The following TUBGCP6 variants were observed in gnomAD, a reference collection of about 807,000 sequenced individuals.
The protein encoded by TUBGCP6 is gamma-tubulin complex component 6.
A neutral mutation model predicts 175.8 loss-of-function variants in TUBGCP6; 161 were observed. The observed-to-expected ratio is 0.92, with a 90% CI of 0.81 to 1.04. The LOEUF (loss-of-function observed/expected upper bound fraction) is 1.04, where lower values mean the gene tolerates loss of function less well. Among genes scored for constraint, TUBGCP6 ranks in the 50% least tolerant of loss-of-function variants. TUBGCP6 has a pLI of 0.00. For missense variants in TUBGCP6, 2,572 were observed against 2,433.0 expected (o/e 1.06, Z -1.20); for synonymous variants, 1,173 against 1,030.5 (o/e 1.14, Z -2.65).
Position 50,240,188 on chromosome 22 carries a change from AAAG to A in TUBGCP6, c.905+13_905+15del, listed in dbSNP as rs2064822852. ...GGGTAGGGGCACTGCATGCCAAGGC[AAAG>A]AAGGGCACACACCAGCCAACTCGCT... On this transcript the variant is annotated intron_variant, in intron 2 of 24. Transcript: ENST00000248846. 6.2e-7 allele frequency: 1 copy of A among 1,613,114 alleles called. No individual in the cohort carries two copies.
rs1316153748 is a variant in TUBGCP6 at position 50,220,871 on chromosome 22, T to C, written c.3488A>G (p.His1163Arg). 1 of 1,609,248 alleles carries C rather than the reference T, an allele frequency of 6.2e-7. No homozygotes were observed. The highest frequency in any genetic ancestry group is 1.7e-5 in the Admixed American group (1 of 59,526). ...CAAGCTGATGCTGGCATCGGACACGTGTCCATGGGTGTTCCACCGTGGCCG... is the reference window on the plus strand; with the variant it reads ...CAAGCTGATGCTGGCATCGGACACGCGTCCATGGGTGTTCCACCGTGGCCG... ...PTRPRWNTHG[H>R]VSDASISLGE... Residue 1163 changes from histidine to arginine, a missense_variant, in exon 16 of 25, where the codon CAC becomes CGC. Physicochemically the swap from His to Arg is conservative, Grantham distance 29. Coordinates refer to ENST00000248846, the MANE Select transcript of TUBGCP6 (RefSeq NM_020461.4).
At position 50,243,871 on chromosome 22, in the gene TUBGCP6, A is replaced by C; in HGVS notation, c.589T>G (p.Ser197Ala). The change falls in exon 1 of 25, where the codon TCA becomes GCA. Residue 197 changes from serine (S) to alanine (A), a missense_variant. Transcript: ENST00000248846. ...GTGLPTVGLF[S>A]FGDPCGDRFE... The stretch of plus-strand genomic sequence containing the variant: ...CTGTCACCACAAGGGTCACCAAATG[A>C]GAAGAGCCCGACGGTGGGCAGGCCA... The C allele has an allele frequency of 6.2e-7, 1 of 1,613,774 alleles. No homozygotes were observed. The highest frequency in any genetic ancestry group is 1.3e-5 in the African/African-American group (1 of 75,000).
chr22:50,228,549 C>G (rs2147192771), intron 4 of TUBGCP6, among the ~76,000 whole-genome samples: 1 of 152,296 alleles, frequency 6.6e-6, no homozygotes, highest in Admixed American at 6.5e-5. Flanking sequence ...CTGGACCAAT[C>G]TCAGTCCACC....
At position 50,229,252 on chromosome 22, in the gene TUBGCP6, C is replaced by T. The variant is rs900642190; in HGVS notation, c.1290+152G>A. Reference sequence around the variant, plus strand: ...GGTAAAACATCCTCACTGACCCATCCCTCAAGAGCCACTATCGGGTTTCAG... The same window carrying T: ...GGTAAAACATCCTCACTGACCCATCTCTCAAGAGCCACTATCGGGTTTCAG... On this transcript the variant is annotated intron_variant, in intron 4 of 24. Transcript: ENST00000248846. 5.7e-6 allele frequency: 5 copies of T among 879,348 alleles called. No homozygotes were observed. In the Admixed American group the frequency reaches 1.4e-4, roughly 25 times the overall value. 54.5% of individuals were successfully genotyped at this position (879,348 alleles called of 1,614,324 possible). A position where few individuals can be genotyped will look rare whatever the true frequency, so the allele number is the denominator to read the frequency against.
In TUBGCP6 at chr22:50,217,702, C is replaced by A; in HGVS notation, c.*34G>T. 6.3e-7 allele frequency: 1 copy of A among 1,598,320 alleles called. No homozygotes were observed. The highest frequency in any genetic ancestry group is 8.6e-7 in the Non-Finnish European group (1 of 1,168,672). Reference sequence around the variant, plus strand: ...GAGAGCTGCAGACAGGGTCCGAGAACACCTTTATTGTGCACGTCCCCCGCA... The same window carrying A: ...GAGAGCTGCAGACAGGGTCCGAGAAAACCTTTATTGTGCACGTCCCCCGCA... On this transcript the variant is annotated 3_prime_UTR_variant, in exon 25 of 25. Coordinates refer to ENST00000248846, the MANE Select transcript of TUBGCP6 (RefSeq NM_020461.4).
chr22:50,226,655 T>C, intron 7 of TUBGCP6, 78 bp downstream of exon 7: 1 of 1,244,192 alleles, frequency 8.0e-7, no homozygotes, highest in Non-Finnish European at 1.1e-6. Flanking sequence ...ATTCAGCAGG[T>C]GTCTGACAAG....
At chr22:50,241,027 C>T (rs536550595) in intron 1 of TUBGCP6, among the ~76,000 whole-genome samples, 13 of 152,264 alleles carry the variant, frequency 8.5e-5, no homozygotes, top group Middle Eastern at 6.8e-3. Flanking sequence ...ACCGAGGGCA[C>T]GAGCTGTTCT....
intron 2 of TUBGCP6, among the ~76,000 whole-genome samples, chr22:50,234,585 GTCCACGGCAGCATCATCCACACCCCTA>G (rs1393159151): frequency 8.8e-5 from 10 of 113,420 alleles, no homozygotes; most frequent in Non-Finnish European, 1.7e-4. Flanking sequence ...CCACACCCCC[GTCCACGGCAGCATCATCCACACCCCTA>G]TCCACAGCAG....
chr22:50,228,461 C>T (rs934859533), intron 4 of TUBGCP6, among the ~76,000 whole-genome samples: 2 of 152,182 alleles, frequency 1.3e-5, no homozygotes, highest in Admixed American at 6.5e-5. Context: ...GCTCCGACCA[C>T]AGCTGTCTCA....
chr22:50,218,840 G>T lies in TUBGCP6; in HGVS notation c.4684C>A (p.Leu1562Met). ...LLNPLVLNSV[L>M]SKALQCSLHG... ...AGGCTGCACTGCAGGGCCTTGCTCA[G>T]CACAGAGTTCAGCACCAGCGGGTTG... The change falls in exon 21 of 25, where the codon CTG (leucine) becomes ATG (methionine). Residue 1562 changes from leucine (L) to methionine (M), a missense_variant. Physicochemically the swap from Leu to Met is conservative, Grantham distance 15 (BLOSUM62 2). Coordinates refer to ENST00000248846, the MANE Select transcript of TUBGCP6 (RefSeq NM_020461.4). 6.2e-7 allele frequency: 1 copy of T among 1,614,054 alleles called. No individual in the cohort carries two copies. The highest frequency in any genetic ancestry group is 1.7e-4 in the Middle Eastern group (1 of 6,058).
rs200851153 is a variant in TUBGCP6 at position 50,244,121 on chromosome 22, G to A, written c.339C>T (p.Leu113=). The change falls in exon 1 of 25, where the codon CTC becomes CTT. Residue 113 remains leucine, a synonymous_variant. Transcript: ENST00000248846. The part of the protein sequence containing the change: ...PLLEVGSVLD[L]LVQLAGSGPP... ...GACCACTCCCTGCCAGCTGAACCAG[G>A]AGGTCCAAAACAGACCCCACCTCCA... The A allele has an allele frequency of 1.9e-6, 3 of 1,613,600 alleles. No homozygotes were observed. The highest frequency in any genetic ancestry group is 2.5e-6 in the Non-Finnish European group (3 of 1,180,034).
chr22:50,244,049 CTTG>C lies in TUBGCP6; in HGVS notation c.408_410del (p.Asn136del), dbSNP rs1479276142. 1.2e-6 allele frequency: 2 copies of C among 1,614,060 alleles called. No individual in the cohort carries two copies. The highest frequency in any genetic ancestry group is 1.1e-5 in the South Asian group (1 of 91,086). ...TGTACGGAACGTTTCTCCCCACATG[CTTG>C]TTGTTAAGGAAGTAGTCTCGTTTTC... On this transcript the variant is annotated inframe_deletion, in exon 1 of 25. Coordinates refer to ENST00000248846, the MANE Select transcript of TUBGCP6 (RefSeq NM_020461.4).
rs2147170654 is a variant in TUBGCP6 at position 50,217,780 on chromosome 22, A to G, written c.5416T>C (p.Phe1806Leu). Residue 1806 changes from phenylalanine (F) to leucine (L), a missense_variant, in exon 25 of 25, where the codon TTT (phenylalanine) becomes CTT (leucine). Physicochemically the swap from Phe to Leu is conservative, Grantham distance 22. Coordinates refer to ENST00000248846, the MANE Select transcript of TUBGCP6 (RefSeq NM_020461.4). ...NRGYQPHLED[F>L]LLRINFNNYY... ...TTGTTGAAGTTGATGCGCAGCAGAA[A>G]GTCCTCCAGGTGGGGCTGGTAGCCG... 2 of 1,614,020 alleles carry G rather than the reference A, an allele frequency of 1.2e-6. No homozygotes were observed. Among genetic ancestry groups the G allele is most frequent in the South Asian group, 1.1e-5 (1 of 91,082 alleles).
intron 2 of TUBGCP6, among the ~76,000 whole-genome samples, chr22:50,238,131 A>G (rs1410271850): frequency 6.9e-6 from 1 of 145,148 alleles, no homozygotes; most frequent in Non-Finnish European, 1.5e-5. Context: ...AAAGAAAGAA[A>G]AAGAAAAGAG....
Position 50,240,327 on chromosome 22 carries a change from T to G in TUBGCP6, c.782A>C (p.Gln261Pro). The G allele has an allele frequency of 5.0e-6, 8 of 1,614,016 alleles. No homozygotes were observed. Among genetic ancestry groups the G allele is most frequent in the Non-Finnish European group, 6.8e-6 (8 of 1,180,042 alleles). ...SVDQWEDEGFQSASNLTPDSQ... is the reference protein window; with the variant it reads ...SVDQWEDEGFPSASNLTPDSQ... ...ATCAGGAGTCAAGTTGGACGCTGAC[T>G]GGAATCCTTCGTCTTCCCACTGATC... Residue 261 changes from glutamine (Q) to proline (P), a missense_variant, in exon 2 of 25, where the codon CAG becomes CCG. Physicochemically the swap from Gln to Pro is moderately conservative, Grantham distance 76. Transcript: ENST00000248846.
intron 24 of TUBGCP6, 31 bp downstream of exon 24, chr22:50,217,887 C>T (rs1296424373): frequency 3.1e-6 from 5 of 1,605,466 alleles, no homozygotes; most frequent in Non-Finnish European, 4.3e-6. Flanking sequence ...CCTGGCCCCC[C>T]CGCAGCCCTC....
Position 50,220,422 on chromosome 22 carries a change from TGCTCTGTGCTC to T in TUBGCP6, c.3926_3936del (p.Gly1309AspfsTer55). ...AGCCGTGGCCCACAGTCCAGCACAGTGCTCTGTGCTCCCAGGCTGAGCGCTGACTGGGACGT... is the reference window on the plus strand; with the variant it reads ...AGCCGTGGCCCACAGTCCAGCACAGTCCAGGCTGAGCGCTGACTGGGACGT... On this transcript the variant is annotated frameshift_variant, in exon 16 of 25. Transcript: ENST00000248846. LOFTEE classifies it high-confidence loss of function. The T allele has an allele frequency of 6.2e-7, 1 of 1,608,086 alleles. No homozygotes were observed. Among genetic ancestry groups the T allele is most frequent in the Non-Finnish European group, 8.5e-7 (1 of 1,177,522 alleles).
intron 2 of TUBGCP6, among the ~76,000 whole-genome samples, chr22:50,234,824 T>C (rs555442369): frequency 1.7e-5 from 2 of 120,720 alleles, no homozygotes; most frequent in South Asian, 3.1e-4. Flanking sequence ...ACACCCCCTG[T>C]CCACGACAGC....
chr22:50,229,680 G>A (rs1372199301), intron 3 of TUBGCP6, 103 bp from the exon 4 acceptor site: 1 of 1,263,664 alleles, frequency 7.9e-7, no homozygotes, highest in African/African-American at 1.5e-5. Context: ...GCCACCTAGA[G>A]TGCCTCCAGG....
Sources: allele counts gnomAD v4.1 joint callset (sites outside exome capture counted in the v4.1 genomes callset), GRCh38; gene constraint gnomAD v4.1.1; transcripts MANE v1.5; gene names NCBI Gene and HGNC (gene_info 2026-07-23, HGNC 2026-07-21).